CRELD2: variants seen among roughly 807,000 people sequenced by gnomAD.
The protein encoded by CRELD2 is protein disulfide isomerase CRELD2.
Under a neutral mutation model 48.1 loss-of-function variants are expected in CRELD2, and 33 were observed. The observed-to-expected ratio is 0.69, with a 90% confidence interval of 0.52 to 0.92. The LOEUF (loss-of-function observed/expected upper bound fraction) is 0.92. CRELD2 is among the 40% of genes least tolerant of loss of function. CRELD2 has a pLI of 0.00. For missense variants in CRELD2, 477 were observed against 482.4 expected (o/e 0.99, Z 0.10); for synonymous variants, 220 against 203.9 (o/e 1.08, Z -0.67).
intron 2 of CRELD2, 49 bp downstream of exon 2, chr22:49,919,361 G>C (rs528992028): frequency 6.4e-7 from 1 of 1,557,996 alleles, no homozygotes; most frequent in East Asian, 2.2e-5. Context: ...CGCTGTCCTG[G>C]GAAGTCGTGT....
Position 49,918,653 on chromosome 22 carries a change from C to T in CRELD2, c.-117C>T, listed in dbSNP as rs925533364. The T allele has an allele frequency of 1.5e-4, 56 of 369,848 alleles. 1 individual carries two copies. Among genetic ancestry groups the T allele is most frequent in the African/African-American group, 9.6e-4 (45 of 47,074 alleles). The allele number at this position is 369,848 out of a possible 1,614,324, so 22.9% of individuals were successfully genotyped here. A position where few individuals can be genotyped will look rare whatever the true frequency, so the allele number is the denominator to read the frequency against. Reference sequence around the variant, plus strand: ...TGGGGCGGGGCCTCGCCGGCGCCGTCAAGTAGCCTGGGGGACAGGCCGGCG... The same window carrying T: ...TGGGGCGGGGCCTCGCCGGCGCCGTTAAGTAGCCTGGGGGACAGGCCGGCG... On this transcript the variant is annotated 5_prime_UTR_variant, in exon 1 of 10. Coordinates refer to ENST00000328268, the MANE Select transcript of CRELD2 (RefSeq NM_024324.5).
At chr22:49,924,505 C>A in intron 8 of CRELD2, 50 bp downstream of exon 8, 2 of 1,373,298 alleles carry the variant, frequency 1.5e-6, no homozygotes, top group Non-Finnish European at 2.0e-6. Context: ...CCCAAGTGAC[C>A]ATGATGTGAA....
chr22:49,927,229 G>C (rs1353383571), intron 9 of CRELD2, 26 bp from the exon 10 acceptor site: 1 of 1,610,604 alleles, frequency 6.2e-7, no homozygotes, highest in Admixed American at 1.7e-5. Flanking sequence ...GCTCAGCCTT[G>C]ACGACCTATG....
rs535664407 is a variant in CRELD2, at chr22:49,918,702, G to C, written c.-68G>C. ...CGCGGCTGGGAGCGGGTGGGCGGCCGGGAGGCCGGAGCAGCACGGCCGCAG... is the reference window on the plus strand; with the variant it reads ...CGCGGCTGGGAGCGGGTGGGCGGCCCGGAGGCCGGAGCAGCACGGCCGCAG... On this transcript the variant is annotated 5_prime_UTR_variant, in exon 1 of 10. Coordinates refer to ENST00000328268, the MANE Select transcript of CRELD2 (RefSeq NM_024324.5). 97 of 585,588 alleles carry C rather than the reference G, an allele frequency of 1.7e-4. No homozygotes were observed. Among genetic ancestry groups the C allele is most frequent in the Non-Finnish European group, 1.9e-4 (76 of 403,112 alleles). The allele number at this position is 585,588 out of a possible 1,614,324, so 36.3% of individuals were successfully genotyped here.
chr22:49,921,726 G>A lies in CRELD2; in HGVS notation c.557G>A (p.Ser186Asn), dbSNP rs1314923984. 6.2e-7 allele frequency: 1 copy of A among 1,612,588 alleles called. No homozygotes were observed. The highest frequency in any genetic ancestry group is 1.3e-5 in the African/African-American group (1 of 74,938). Residue 186 changes from serine to asparagine, a missense_variant, in exon 5 of 10, where the codon AGC (serine) becomes AAC (asparagine). Ser to Asn is a conservative substitution (Grantham distance 46, BLOSUM62 1). Coordinates refer to ENST00000328268, the MANE Select transcript of CRELD2 (RefSeq NM_024324.5). Reference protein sequence around the residue: ...LCTDCMDGYFSSLRNETHSIC... With the variant: ...LCTDCMDGYFNSLRNETHSIC... ...ACTGACTGCATGGACGGCTACTTCA[G>A]CTCGCTCCGGAACGAGACCCACAGC...
chr22:49,919,790 T>G lies in CRELD2; in HGVS notation c.273T>G (p.Asn91Lys). 6.2e-7 allele frequency: 1 copy of G among 1,612,474 alleles called. No homozygotes were observed. Among genetic ancestry groups the G allele is most frequent in the Non-Finnish European group, 8.5e-7 (1 of 1,179,408 alleles). The part of the protein sequence containing the change: ...GLCESSDFEC[N>K]QMLEAQEEHL... ...GCGAGAGCAGCGACTTCGAATGCAA[T>G]CAGATGCTAGAGGCGCAGGAGGAGC... is the stretch of plus-strand genomic sequence containing the variant. Residue 91 changes from asparagine to lysine, a missense_variant, in exon 3 of 10, where the codon AAT becomes AAG. Physicochemically the swap from Asn to Lys is moderately conservative, Grantham distance 94 (BLOSUM62 0). Transcript: ENST00000328268.
chr22:49,920,121 G>A lies in CRELD2; in HGVS notation c.324-35G>A, dbSNP rs773823948. 13 of 1,381,160 alleles carry A rather than the reference G, an allele frequency of 9.4e-6. 1 individual carries two copies. Among genetic ancestry groups the A allele is most frequent in the Non-Finnish European group, 1.3e-5 (13 of 968,130 alleles). 85.6% of individuals were successfully genotyped at this position (1,381,160 alleles called of 1,614,324 possible). A position where few individuals can be genotyped will look rare whatever the true frequency, so the allele number is the denominator to read the frequency against. On this transcript the variant is annotated intron_variant, in intron 3 of 9. Transcript: ENST00000328268. ...ATGTTTGTTTTAAAGAACCGTGTCTGCTGGGATTCAGTGAATGTTTTCCTC... is the reference window on the plus strand; with the variant it reads ...ATGTTTGTTTTAAAGAACCGTGTCTACTGGGATTCAGTGAATGTTTTCCTC...
In CRELD2 at chr22:49,920,156, G is replaced by A; in HGVS notation, c.324G>A (p.Leu108=). 6.2e-7 allele frequency: 1 copy of A among 1,606,676 alleles called. No homozygotes were observed. Among genetic ancestry groups the A allele is most frequent in the Non-Finnish European group, 8.5e-7 (1 of 1,173,610 alleles). ...AGTGAATGTTTTCCTCCATCCTCAGGAAGAGCGAATATCCTGACTTATTCG... is the reference window on the plus strand; with the variant it reads ...AGTGAATGTTTTCCTCCATCCTCAGAAAGAGCGAATATCCTGACTTATTCG... The part of the protein sequence containing the change: ...EEHLEAWWLQ[L]KSEYPDLFEW... The change falls in exon 4 of 10, where the codon CTG becomes CTA. Residue 108 remains leucine, a splice_region_variant and synonymous_variant. Transcript: ENST00000328268.
At chr22:49,925,826 C>A in intron 9 of CRELD2, 1 of 1,114,860 alleles carries the variant, frequency 9.0e-7, no homozygotes, top group South Asian at 1.9e-5. Flanking sequence ...CCTCAGCGGG[C>A]GATGAGCAGA....
intron 2 of CRELD2, 123 bp from the exon 3 acceptor site, chr22:49,919,607 C>G (rs2060656600): frequency 2.8e-6 from 2 of 707,898 alleles, no homozygotes; most frequent in African/African-American, 3.6e-5. Flanking sequence ...GTGGGGTCCC[C>G]TTATTCTCTG....
intron 4 of CRELD2, among the ~76,000 whole-genome samples, chr22:49,920,603 A>C (rs2060675108): frequency 6.6e-6 from 1 of 152,190 alleles, no homozygotes; most frequent in Non-Finnish European, 1.5e-5. Flanking sequence ...CACAGAGGTG[A>C]CCACACCACA....
At chr22:49,918,982 A>G (rs58375955) in intron 1 of CRELD2, 84 bp downstream of exon 1, 239,673 of 1,183,422 alleles carry the variant, frequency 0.2, 26,208 homozygotes, top group African/African-American at 0.35. Context: ...CCTTGGGCCC[A>G]GGGTCGCCCT....
At chr22:49,920,113 C>A in intron 3 of CRELD2, 43 bp from the exon 4 acceptor site, 1 of 1,307,828 alleles carries the variant, frequency 7.6e-7, no homozygotes, top group Non-Finnish European at 1.1e-6. Flanking sequence ...TTTTAAAGAA[C>A]CGTGTCTGCT....
Position 49,919,672 on chromosome 22 carries a change from A to G in CRELD2, c.213-58A>G, listed in dbSNP as rs1378721484. The G allele has an allele frequency of 3.6e-6, 5 of 1,378,742 alleles. No homozygotes were observed. In the African/African-American group the frequency reaches 7.4e-5, roughly 20 times the overall value. The allele number at this position is 1,378,742 out of a possible 1,614,324, so 85.4% of individuals were successfully genotyped here. On this transcript the variant is annotated intron_variant, in intron 2 of 9. Coordinates refer to ENST00000328268, the MANE Select transcript of CRELD2 (RefSeq NM_024324.5). ...CACCCAGGTTGGCGTATTGGTTCGGATTTTTCTTCACTGCCTTGGAGGCGC... is the reference window on the plus strand; with the variant it reads ...CACCCAGGTTGGCGTATTGGTTCGGGTTTTTCTTCACTGCCTTGGAGGCGC...
intron 2 of CRELD2, 51 bp from the exon 3 acceptor site, chr22:49,919,679 T>C: frequency 1.4e-6 from 2 of 1,423,574 alleles, no homozygotes; most frequent in Non-Finnish European, 1.9e-6. Context: ...CGGATTTTTC[T>C]TCACTGCCTT....
intron 4 of CRELD2, 74 bp from the exon 5 acceptor site, chr22:49,921,511 C>T (rs951986030): frequency 3.7e-5 from 53 of 1,449,030 alleles, no homozygotes; most frequent in Admixed American, 6.1e-5. Context: ...GGGTGCCATG[C>T]GTTCTCTCCG....
At chr22:49,924,292 C>A in intron 7 of CRELD2, 68 bp from the exon 8 acceptor site, 1 of 1,135,184 alleles carries the variant, frequency 8.8e-7, no homozygotes, top group Non-Finnish European at 1.3e-6. Flanking sequence ...GTGCCTTGTG[C>A]ATGTCGGGGT....
intron 6 of CRELD2, 77 bp downstream of exon 6, chr22:49,922,784 G>T (rs1210467174): frequency 6.3e-6 from 1 of 158,684 alleles, no homozygotes; most frequent in East Asian, 1.8e-4. Flanking sequence ...TAAGGCGTGG[G>T]GGGTGTGAGG....
chr22:49,920,613 A>C (rs2060675205), intron 4 of CRELD2, among the ~76,000 whole-genome samples: 1 of 152,170 alleles, frequency 6.6e-6, no homozygotes, highest in Non-Finnish European at 1.5e-5. Context: ...ACCACACCAC[A>C]ACTTCTGTGG....
Sources: gnomAD v4.1 joint callset for allele counts (sites outside exome capture counted in the v4.1 genomes callset) on GRCh38, gnomAD v4.1.1 for gene constraint, MANE v1.5 for transcripts, NCBI Gene and HGNC (gene_info 2026-07-23, HGNC 2026-07-21) for gene names.